The following ACAP2 variants were observed in gnomAD, a reference collection of about 807,000 sequenced individuals.
ACAP2 encodes the protein arf-GAP with coiled-coil, ANK repeat and PH domain-containing protein 2.
Under a neutral mutation model 115.8 loss-of-function variants are expected in ACAP2, and 39 were observed. The ratio of observed to expected loss-of-function variants is 0.34; its 90% CI spans 0.26 to 0.44. The LOEUF (loss-of-function observed/expected upper bound fraction) is 0.44, where lower values mean the gene tolerates loss of function less well. ACAP2 is among the 20% of genes least tolerant of loss of function. ACAP2 has a pLI of 1.00. For synonymous variants in ACAP2, 289 were observed against 315.8 expected (o/e 0.92, Z 0.90); for missense variants, 662 against 927.6 (o/e 0.71, Z 3.72).
At chr3:195,406,782 CAGTT>C (rs1306867956) in intron 1 of ACAP2, among the ~76,000 whole-genome samples, 1 of 152,172 alleles carries the variant, frequency 6.6e-6, no homozygotes, top group East Asian at 1.9e-4. Context: ...ACAGCTTTGA[CAGTT>C]AGTCATGAAC....
chr3:195,386,157 T>C (rs979168157), intron 2 of ACAP2, among the ~76,000 whole-genome samples: 2 of 152,224 alleles, frequency 1.3e-5, no homozygotes, highest in South Asian at 2.1e-4. Context: ...TATTGTATTA[T>C]TCCATTTATT....
intron 4 of ACAP2, among the ~76,000 whole-genome samples, chr3:195,353,759 T>G (rs13096715): frequency 0.51 from 68,698 of 134,988 alleles, 17,234 homozygotes; most frequent in Middle Eastern, 0.7. Context: ...TATTCCTTAA[T>G]AAAGTTGTTA....
intron 4 of ACAP2, among the ~76,000 whole-genome samples, chr3:195,347,610 T>C (rs1231646403): frequency 1.3e-5 from 2 of 152,216 alleles, no homozygotes; most frequent in Non-Finnish European, 2.9e-5. Context: ...ATGATCCATA[T>C]CTTAAAAAGG....
chr3:195,401,774 T>C (rs1712322887), intron 1 of ACAP2, among the ~76,000 whole-genome samples: 1 of 152,158 alleles, frequency 6.6e-6, no homozygotes. Context: ...GGAGAAAACT[T>C]AGTAAACTGC....
At chr3:195,416,841 T>G (rs914909341) in intron 1 of ACAP2, among the ~76,000 whole-genome samples, 1 of 152,124 alleles carries the variant, frequency 6.6e-6, no homozygotes, top group Non-Finnish European at 1.5e-5. Context: ...GTTTAATATG[T>G]ATCTATCTTA....
intron 4 of ACAP2, among the ~76,000 whole-genome samples, chr3:195,349,204 AG>A (rs1474269826): frequency 6.6e-6 from 1 of 152,148 alleles, no homozygotes; most frequent in Non-Finnish European, 1.5e-5. Flanking sequence ...AATACTGGCC[AG>A]GCGCTGTGGC....
At chr3:195,310,173 G>C (rs75611431) in intron 10 of ACAP2, among the ~76,000 whole-genome samples, 3,286 of 152,266 alleles carry the variant, frequency 0.022, 117 homozygotes, top group East Asian at 0.1. Context: ...CTGTTCTCAT[G>C]TCATGACTAG....
At chr3:195,389,081 A>G (rs922157687) in intron 2 of ACAP2, among the ~76,000 whole-genome samples, 6 of 152,106 alleles carry the variant, frequency 3.9e-5, no homozygotes, top group African/African-American at 1.4e-4. Flanking sequence ...GGTACGAAAT[A>G]TAAAAGTAAC....
rs1343747130 is a variant in ACAP2, at chr3:195,276,488, C to A, written c.*2840G>T. The A allele has an allele frequency of 1.3e-5, 2 of 152,162 alleles. No homozygotes were observed. The highest frequency in any genetic ancestry group is 3.8e-4 in the East Asian group (2 of 5,204). 9.4% of individuals were successfully genotyped at this position (152,162 alleles called of 1,614,324 possible). On this transcript the variant is annotated 3_prime_UTR_variant, in exon 23 of 23. Transcript: ENST00000326793. ...AACATGAAATTGCATTTTATTAACT[C>A]TTCATAGTGCTGCTATTCTTATTTT...
intron 17 of ACAP2, 38 bp downstream of exon 17, chr3:195,295,670 G>A (rs748180757): frequency 4.4e-6 from 7 of 1,607,744 alleles, no homozygotes; most frequent in Non-Finnish European, 6.0e-6. Flanking sequence ...TTGAGCTTAA[G>A]AAAATAGCTA....
rs1351282867 is a variant in ACAP2 at position 195,276,475 on chromosome 3, CATTTT to C, written c.*2848_*2852del. 1.3e-5 allele frequency: 2 copies of C among 152,152 alleles called. No individual in the cohort carries two copies. Among genetic ancestry groups the C allele is most frequent in the African/African-American group, 4.8e-5 (2 of 41,438 alleles). 9.4% of individuals were successfully genotyped at this position (152,152 alleles called of 1,614,324 possible). A position where few individuals can be genotyped will look rare whatever the true frequency, so the allele number is the denominator to read the frequency against. ...TTATTCTAGCTCTAACATGAAATTG[CATTTT>C]ATTAACTCTTCATAGTGCTGCTATT... On this transcript the variant is annotated 3_prime_UTR_variant, in exon 23 of 23. Transcript: ENST00000326793.
intron 2 of ACAP2, among the ~76,000 whole-genome samples, chr3:195,388,857 A>G (rs975378801): frequency 6.6e-6 from 1 of 152,052 alleles, no homozygotes; most frequent in African/African-American, 2.4e-5. Context: ...CCCTGTCTCT[A>G]CTATAAATAC....
At chr3:195,345,018 C>T (rs1731109359) in intron 5 of ACAP2, among the ~76,000 whole-genome samples, 1 of 152,216 alleles carries the variant, frequency 6.6e-6, no homozygotes. Context: ...CCTATAGCTA[C>T]ATATCCTAGC....
rs752026343 is a variant in ACAP2 at position 195,292,248 on chromosome 3, AT to A, written c.1953+16del. 5.9e-6 allele frequency: 9 copies of A among 1,534,276 alleles called. No homozygotes were observed. The South Asian group carries it at 6.3e-5, about 11-fold the overall frequency. ...ATATTTGATTGCTACTGAAAATGTCATTGTATAAACGCATACCCCTAATACA... is the reference window on the plus strand; with the variant it reads ...ATATTTGATTGCTACTGAAAATGTCATGTATAAACGCATACCCCTAATACA... On this transcript the variant is annotated intron_variant, in intron 19 of 22. Coordinates refer to ENST00000326793, the MANE Select transcript of ACAP2 (RefSeq NM_012287.6).
chr3:195,416,416 A>C (rs1319956140), intron 1 of ACAP2, among the ~76,000 whole-genome samples: 1 of 152,024 alleles, frequency 6.6e-6, no homozygotes, highest in African/African-American at 2.4e-5. Flanking sequence ...ATACCATTTC[A>C]CATCCATCAG....
intron 10 of ACAP2, among the ~76,000 whole-genome samples, chr3:195,316,203 G>GTT (rs771432063): frequency 5.9e-5 from 8 of 135,830 alleles, no homozygotes; most frequent in African/African-American, 1.9e-4. Context: ...GGTTTTTTTT[G>GTT]TTTTTTTTTT....
chr3:195,436,794 A>C (rs1372226673), intron 1 of ACAP2, among the ~76,000 whole-genome samples: 1 of 152,192 alleles, frequency 6.6e-6, no homozygotes, highest in Non-Finnish European at 1.5e-5. Context: ...GATTCATTTT[A>C]AATCAATGAA....
chr3:195,314,744 A>G (rs1464281041), intron 10 of ACAP2, among the ~76,000 whole-genome samples: 1 of 152,234 alleles, frequency 6.6e-6, no homozygotes, highest in Non-Finnish European at 1.5e-5. Flanking sequence ...AAATCTTCAT[A>G]TTTGAATCAC....
rs1211322686 is a variant in ACAP2, at chr3:195,412,308, G to A, written c.54-20161C>T. ...TCAGATTATCAAATGTGAGCAGGGT[G>A]TGATGGCTCACACCTGTAATCCCAG... is the stretch of plus-strand genomic sequence containing the variant. On this transcript the variant is annotated intron_variant, in intron 1 of 22. Transcript: ENST00000326793. 1.3e-4 allele frequency among the ~76,000 whole-genome samples: 19 copies of A among 151,778 alleles called. No homozygotes were observed. The South Asian group carries it at 3.5e-3, about 28-fold the overall frequency.
Sources: allele counts gnomAD v4.1 joint callset (sites outside exome capture counted in the v4.1 genomes callset), GRCh38; gene constraint gnomAD v4.1.1; transcripts MANE v1.5; gene names NCBI Gene and HGNC (gene_info 2026-07-23, HGNC 2026-07-21).